Variants in PHF24 observed in about 807,000 individuals in gnomAD.
PHF24 encodes the protein PHD finger protein 24.
PHF24 carries 25 observed loss-of-function variants against 42.6 expected under a neutral mutation model. That is an observed-to-expected ratio of 0.59 (90% CI 0.43 to 0.82). The LOEUF is 0.82. Ranked by LOEUF, PHF24 falls within the 40% of genes least tolerant of loss-of-function variation. PHF24 has a pLI of 0.00. For missense variants in PHF24, 470 were observed against 538.1 expected (o/e 0.87, Z 1.25); for synonymous variants, 185 against 204.8 (o/e 0.90, Z 0.83).
chr9:34,945,412 T>A, the PHF24 span, among the ~76,000 whole-genome samples: 10 of 152,156 alleles, frequency 6.6e-5, no homozygotes, highest in African/African-American at 2.4e-4. Context: ...CTGGGAGAGC[T>A]ATCAGAACAC....
the PHF24 span, among the ~76,000 whole-genome samples, chr9:34,907,183 T>C: frequency 6.6e-6 from 1 of 152,160 alleles, no homozygotes; most frequent in Non-Finnish European, 1.5e-5. Flanking sequence ...GGGAACTTTA[T>C]CTGTGTAGGA....
the PHF24 span, among the ~76,000 whole-genome samples, chr9:34,912,511 AGAACACAT>A: frequency 6.6e-6 from 1 of 152,194 alleles, no homozygotes; most frequent in African/African-American, 2.4e-5. Flanking sequence ...GTGTATGTTC[AGAACACAT>A]GAAAAAAAAC....
At chr9:34,904,206 G>A in the PHF24 span, among the ~76,000 whole-genome samples, 2 of 152,156 alleles carry the variant, frequency 1.3e-5, no homozygotes, top group Non-Finnish European at 2.9e-5. Context: ...TGATTTGGAT[G>A]CCCTTTATTT....
At chr9:34,806,128 A>G in the PHF24 span, among the ~76,000 whole-genome samples, 1 of 152,064 alleles carries the variant, frequency 6.6e-6, no homozygotes, top group African/African-American at 2.4e-5. Flanking sequence ...TTGCTTCACA[A>G]TAAGTTTTGA....
At chr9:34,773,740 C>T in the PHF24 span, among the ~76,000 whole-genome samples, 2 of 152,116 alleles carry the variant, frequency 1.3e-5, no homozygotes, top group Non-Finnish European at 2.9e-5. Flanking sequence ...ATGAGAAAAA[C>T]ATCAAACAAA....
At chr9:34,689,794 C>G in the PHF24 span, 1 of 1,613,942 alleles carries the variant, frequency 6.2e-7, no homozygotes, top group Non-Finnish European at 8.5e-7. This position sits in a 1 kb window ranked among gnomAD's most constrained non-coding sequence, Gnocchi z 4.1. Flanking sequence ...ACTCGGACTC[C>G]GGGCTCCCTC....
chr9:34,927,750 C>T, the PHF24 span, among the ~76,000 whole-genome samples: 2 of 152,102 alleles, frequency 1.3e-5, no homozygotes, highest in African/African-American at 4.8e-5. Context: ...ATCTCCACTC[C>T]CCCACCACAC....
chr9:34,847,583 A>G, the PHF24 span, among the ~76,000 whole-genome samples: 1 of 151,672 alleles, frequency 6.6e-6, no homozygotes, highest in Non-Finnish European at 1.5e-5. Flanking sequence ...CTAATTGAAT[A>G]CCCTTTATTT....
the PHF24 span, among the ~76,000 whole-genome samples, chr9:34,937,105 A>G: frequency 2.2e-5 from 3 of 135,028 alleles, no homozygotes; most frequent in East Asian, 2.4e-4. Flanking sequence ...CCTACTGGGA[A>G]GTGAGGAGCC....
At chr9:34,780,773 C>T in the PHF24 span, among the ~76,000 whole-genome samples, 1 of 151,910 alleles carries the variant, frequency 6.6e-6, no homozygotes, top group African/African-American at 2.4e-5. Context: ...CAAAATAAAC[C>T]CCAACTTTTA....
At chr9:34,768,093 C>T in the PHF24 span, among the ~76,000 whole-genome samples, 1 of 152,168 alleles carries the variant, frequency 6.6e-6, no homozygotes, top group African/African-American at 2.4e-5. Context: ...AGACATATTG[C>T]ATCTATCTCC....
At chr9:34,878,429 G>A in the PHF24 span, among the ~76,000 whole-genome samples, 1 of 152,216 alleles carries the variant, frequency 6.6e-6, no homozygotes, top group African/African-American at 2.4e-5. Flanking sequence ...TGCCTCACCT[G>A]GGAAGCGCAA....
chr9:34,677,541 T>C, the PHF24 span, among the ~76,000 whole-genome samples: 113,520 of 151,640 alleles, frequency 0.75, 42,699 homozygotes, highest in East Asian at 0.86. Context: ...GGACTACAGG[T>C]GCCCGCCACC....
the PHF24 span, among the ~76,000 whole-genome samples, chr9:34,902,010 T>C: frequency 9.4e-4 from 143 of 152,220 alleles, 3 homozygotes; most frequent in East Asian, 0.022. Context: ...TTATTTGAAA[T>C]TTTCCCTAGT....
chr9:34,735,126 CTTTTTTCTTTTTTTTT>C, the PHF24 span, among the ~76,000 whole-genome samples: 1 of 133,064 alleles, frequency 7.5e-6, no homozygotes. Context: ...GTCCAGCTTT[CTTTTTTCTTTTTTTTT>C]TTTTTTTTTT....
chr9:34,945,216 C>A, the PHF24 span, among the ~76,000 whole-genome samples: 1 of 152,214 alleles, frequency 6.6e-6, no homozygotes, highest in Non-Finnish European at 1.5e-5. Flanking sequence ...AGGGAGTAAT[C>A]TCTGGTTACT....
the PHF24 span, among the ~76,000 whole-genome samples, chr9:34,912,808 C>T: frequency 6.6e-6 from 1 of 152,010 alleles, no homozygotes; most frequent in Non-Finnish European, 1.5e-5. Flanking sequence ...TAAGATTCAA[C>T]CTATTAAGAA....
the PHF24 span, among the ~76,000 whole-genome samples, chr9:34,823,713 C>G: frequency 1.3e-5 from 2 of 152,050 alleles, no homozygotes; most frequent in African/African-American, 4.8e-5. Flanking sequence ...AAACAGCTGC[C>G]CTGAGAGCAA....
At chr9:34,839,237 C>A in the PHF24 span, among the ~76,000 whole-genome samples, 1 of 152,182 alleles carries the variant, frequency 6.6e-6, no homozygotes, top group Non-Finnish European at 1.5e-5. Flanking sequence ...TAGCATTCTG[C>A]CTGTTCAGGG....
Sources: gnomAD v4.1 joint callset for allele counts (sites outside exome capture counted in the v4.1 genomes callset) on GRCh38, gnomAD v4.1.1 for gene constraint, Gnocchi (gnomAD v3.1) non-coding constraint, MANE v1.5 for transcripts, NCBI Gene and HGNC (gene_info 2026-07-23, HGNC 2026-07-21) for gene names.